DCDC1: variants seen among roughly 807,000 people sequenced by gnomAD.
The protein encoded by DCDC1 is doublecortin domain-containing protein 1.
Under a neutral mutation model 178.3 loss-of-function variants are expected in DCDC1, and 200 were observed. The observed-to-expected ratio is 1.12, with a 90% CI of 1.00 to 1.26. DCDC1 has a LOEUF of 1.26. DCDC1 is among the 50% of genes most tolerant of loss of function. The pLI, the probability that DCDC1 is intolerant of heterozygous loss-of-function variation, is 0.00. For missense variants in DCDC1, 1,983 were observed against 1,749.2 expected, an observed-to-expected ratio of 1.13 and a Z score of -2.38; for synonymous variants, 690 against 604.8, an observed-to-expected ratio of 1.14 and a Z score of -2.07.
chr11:31,065,071 T>C lies in DCDC1; in HGVS notation c.2381A>G (p.His794Arg), dbSNP rs763083855. The C allele has an allele frequency of 1.3e-6, 1 of 765,470 alleles. No individual in the cohort carries two copies. Among genetic ancestry groups the C allele is most frequent in the Non-Finnish European group, 2.4e-6 (1 of 417,474 alleles). The allele number at this position is 765,470 out of a possible 1,614,324, so 47.4% of individuals were successfully genotyped here. A position where few individuals can be genotyped will look rare whatever the true frequency, so the allele number is the denominator to read the frequency against. ...CTGATGAGCTGTGGTCCAGGCACCA[T>C]GGTGAATGTGATACTCTGTCTGGGT... is the stretch of plus-strand genomic sequence containing the variant. ...DVTQTEYHIH[H>R]GAWTTAHQEH... The change falls in exon 19 of 39, where the codon CAT becomes CGT. Residue 794 changes from histidine to arginine, a missense_variant. Coordinates refer to ENST00000684477, the MANE Select transcript of DCDC1 (RefSeq NM_001387274.1).
At chr11:31,309,451 G>A (rs1948643084) in intron 3 of DCDC1, among the ~76,000 whole-genome samples, 1 of 152,066 alleles carries the variant, frequency 6.6e-6, no homozygotes, top group South Asian at 2.1e-4. Flanking sequence ...GGTGAGTGAC[G>A]GCATGTGGCA....
chr11:31,029,233 C>A (rs290078), intron 20 of DCDC1, among the ~76,000 whole-genome samples: 1 of 151,774 alleles, frequency 6.6e-6, no homozygotes, highest in African/African-American at 2.4e-5. Context: ...AACATTCTCA[C>A]TACATATTTT....
intron 9 of DCDC1, among the ~76,000 whole-genome samples, chr11:31,162,926 A>T (rs1966441856): frequency 6.6e-6 from 1 of 152,202 alleles, no homozygotes; most frequent in African/African-American, 2.4e-5. Flanking sequence ...TGAGTCATGG[A>T]CCATACATCT....
chr11:31,298,240 G>T (rs770472901), intron 6 of DCDC1, among the ~76,000 whole-genome samples: 3 of 152,064 alleles, frequency 2.0e-5, no homozygotes, highest in Non-Finnish European at 4.4e-5. Context: ...TTTCAGCAAG[G>T]TCTCTGCCCT....
chr11:31,076,047 C>T (rs567195347), intron 18 of DCDC1, among the ~76,000 whole-genome samples: 4 of 152,112 alleles, frequency 2.6e-5, no homozygotes, highest in Admixed American at 6.5e-5. Flanking sequence ...TTAGTAGAGA[C>T]GGGGTTTCTC....
intron 35 of DCDC1, 128 bp from the exon 36 acceptor site, chr11:30,893,125 T>C (rs1943923563): frequency 4.0e-6 from 4 of 1,005,378 alleles, no homozygotes; most frequent in Non-Finnish European, 5.6e-6. Context: ...AGGAAGTAAC[T>C]ATTAAGTACA....
At chr11:31,123,737 G>GA (rs989852190) in intron 11 of DCDC1, among the ~76,000 whole-genome samples, 2 of 151,822 alleles carry the variant, frequency 1.3e-5, no homozygotes, top group South Asian at 2.1e-4. Context: ...CTTTATAGGG[G>GA]AAAAAAATCA....
chr11:30,952,879 A>G (rs944280389), intron 20 of DCDC1, among the ~76,000 whole-genome samples: 12 of 152,308 alleles, frequency 7.9e-5, no homozygotes, highest in African/African-American at 2.9e-4. Flanking sequence ...AACAATATTA[A>G]CATAAAAATT....
chr11:31,308,649 G>T (rs756444904), intron 3 of DCDC1, among the ~76,000 whole-genome samples: 71 of 152,078 alleles, frequency 4.7e-4, no homozygotes, highest in Non-Finnish European at 8.5e-4. Flanking sequence ...AGTAGTATGT[G>T]GATGAACTAT....
chr11:30,903,754 T>C (rs776231714), intron 31 of DCDC1, 71 bp from the exon 32 acceptor site: 2 of 1,253,938 alleles, frequency 1.6e-6, no homozygotes, highest in Non-Finnish European at 2.1e-6. Flanking sequence ...TAAGAGCTTG[T>C]CATTCTAAAA....
chr11:31,092,803 G>T (rs1353821757), intron 16 of DCDC1, among the ~76,000 whole-genome samples: 3 of 152,186 alleles, frequency 2.0e-5, no homozygotes, highest in Non-Finnish European at 4.4e-5. Flanking sequence ...TGTGTGACTT[G>T]TCTGCTGTCA....
chr11:31,148,212 A>T (rs1238081844), intron 9 of DCDC1, among the ~76,000 whole-genome samples: 1 of 65,408 alleles, frequency 1.5e-5, no homozygotes, highest in Non-Finnish European at 4.2e-5. Flanking sequence ...TATTATTATA[A>T]AAAAAAAAAA....
chr11:31,125,920 T>G (rs1565317319), intron 11 of DCDC1, among the ~76,000 whole-genome samples: 1 of 150,370 alleles, frequency 6.7e-6, no homozygotes, highest in African/African-American at 2.4e-5. Flanking sequence ...CCCTAGAACT[T>G]AAAAAAAAAT....
chr11:31,011,995 T>A (rs1309617164), intron 20 of DCDC1, among the ~76,000 whole-genome samples: 2 of 152,150 alleles, frequency 1.3e-5, no homozygotes, highest in Admixed American at 1.3e-4. Context: ...TTGCTGTTCT[T>A]GTGATACTGA....
At chr11:31,126,534 A>G (rs1409813645) in intron 11 of DCDC1, among the ~76,000 whole-genome samples, 4 of 152,214 alleles carry the variant, frequency 2.6e-5, no homozygotes, top group Admixed American at 2.6e-4. Context: ...AATGTTTCTA[A>G]TGTTACTTGC....
intron 25 of DCDC1, among the ~76,000 whole-genome samples, chr11:30,917,907 G>C (rs1168964708): frequency 6.6e-6 from 1 of 152,156 alleles, no homozygotes; most frequent in Non-Finnish European, 1.5e-5. Context: ...CAATTCCTGT[G>C]CTAGCAGAGC....
At chr11:31,155,052 G>A (rs553500295) in intron 9 of DCDC1, among the ~76,000 whole-genome samples, 22 of 152,068 alleles carry the variant, frequency 1.4e-4, no homozygotes, top group Non-Finnish European at 2.6e-4. Flanking sequence ...TCTGACTTTC[G>A]GAACCCAATT....
intron 20 of DCDC1, among the ~76,000 whole-genome samples, chr11:30,994,799 A>T (rs2134966590): frequency 6.8e-6 from 1 of 146,952 alleles, no homozygotes; most frequent in Non-Finnish European, 1.5e-5. Context: ...ATATATATGT[A>T]TACCCTACAG....
intron 9 of DCDC1, among the ~76,000 whole-genome samples, chr11:31,206,116 TAAAG>T (rs912291549): frequency 1.2e-4 from 19 of 152,250 alleles, no homozygotes; most frequent in African/African-American, 3.9e-4. Flanking sequence ...GGCAAATGGA[TAAAG>T]AATCATCAAT....
Sources: allele counts gnomAD v4.1 joint callset (sites outside exome capture counted in the v4.1 genomes callset), GRCh38; gene constraint gnomAD v4.1.1; transcripts MANE v1.5; gene names NCBI Gene and HGNC (gene_info 2026-07-23, HGNC 2026-07-21).